ZNF846: variants seen among roughly 807,000 people sequenced by gnomAD.
The protein encoded by ZNF846 is zinc finger protein 420 pseudogene.
A neutral mutation model predicts 16.0 loss-of-function variants in ZNF846; 15 were observed. The ratio of observed to expected loss-of-function variants is 0.94; its 90% CI spans 0.63 to 1.45. The LOEUF (loss-of-function observed/expected upper bound fraction) is 1.45. ZNF846 is among the 40% of genes most tolerant of loss of function. The probability of loss-of-function intolerance (pLI) is 0.00; values close to 1 mark genes in which losing one functional copy is unlikely to be tolerated. For missense variants in ZNF846, 714 were observed against 622.3 expected, an observed-to-expected ratio of 1.15 and a Z score of -1.57; for synonymous variants, 229 against 212.0, an observed-to-expected ratio of 1.08 and a Z score of -0.70.
chr19:9,765,113 C>G, intron 1 of ZNF846, 78 bp from the exon 2 acceptor site: 1 of 773,266 alleles, frequency 1.3e-6, no homozygotes, highest in South Asian at 1.5e-5. Context: ...TGGCTCATGC[C>G]TGTAATCCCA....
intron 1 of ZNF846, among the ~76,000 whole-genome samples, chr19:9,767,760 C>T (rs956542932): frequency 1.0e-3 from 159 of 152,194 alleles, no homozygotes; most frequent in African/African-American, 3.7e-3. Context: ...CATGGTGAAA[C>T]CCCGTCTCTA....
chr19:9,759,472 T>C (rs966154358), intron 5 of ZNF846, among the ~76,000 whole-genome samples: 9 of 151,414 alleles, frequency 5.9e-5, no homozygotes, highest in African/African-American at 2.2e-4. Flanking sequence ...GCATGGTGGC[T>C]CATGCCTGTA....
chr19:9,772,312 G>A (rs1399570244), upstream of ZNF846, among the ~76,000 whole-genome samples: 1 of 152,032 alleles, frequency 6.6e-6, no homozygotes, highest in Admixed American at 6.6e-5. Flanking sequence ...TATAAAATGT[G>A]GTAGAGGCTG....
At chr19:9,767,792 G>T (rs552271428) in intron 1 of ZNF846, among the ~76,000 whole-genome samples, 2 of 152,146 alleles carry the variant, frequency 1.3e-5, no homozygotes, top group African/African-American at 2.4e-5. Context: ...AAATTAGCCG[G>T]GCGTGGTGGC....
At chr19:9,774,794 A>G (rs985758128) in intron 1 of ZNF846, 1 of 1,598,722 alleles carries the variant, frequency 6.3e-7, no homozygotes, top group Non-Finnish European at 8.5e-7. Context: ...GCCAGCAACC[A>G]AAACCGACCA....
intron 3 of ZNF846, among the ~76,000 whole-genome samples, chr19:9,762,981 T>G (rs1220392160): frequency 6.6e-6 from 1 of 151,988 alleles, no homozygotes; most frequent in African/African-American, 2.4e-5. Flanking sequence ...CTGTCTCCAC[T>G]AAAAATACAA....
intron 2 of ZNF846, 177 bp downstream of exon 2, chr19:9,764,759 C>T: frequency 1.4e-6 from 1 of 699,738 alleles, no homozygotes; most frequent in East Asian, 2.7e-5. Flanking sequence ...AATACACTTC[C>T]ATTGCAATCT....
chr19:9,751,133 C>G (rs2045080536), downstream of ZNF846, among the ~76,000 whole-genome samples: 1 of 152,100 alleles, frequency 6.6e-6, no homozygotes, highest in South Asian at 2.1e-4. Context: ...CTTGTGTCTT[C>G]TGATTAATCT....
intron 1 of ZNF846, among the ~76,000 whole-genome samples, chr19:9,784,615 T>C (rs2045539679): frequency 6.6e-6 from 1 of 152,108 alleles, no homozygotes; most frequent in South Asian, 2.1e-4. Context: ...GCACAGACCC[T>C]TTACGGGTGT....
At position 9,774,747 on chromosome 19, in the gene ZNF846, A is replaced by G. The variant is rs547181409; in HGVS notation, c.-85-9712T>C. 3.9e-4 allele frequency: 616 copies of G among 1,559,984 alleles called. 9 individuals are homozygous for G. In the South Asian group the frequency reaches 5.5e-3, roughly 14 times the overall value. On this transcript the variant is annotated intron_variant, in intron 1 of 4. Transcript: ENST00000586814. ...CACCCAAATATCGACGAAAAGGGGC[A>G]GGTCTGTCTGTCAGTAATTAGTGCT...
At chr19:9,749,891 C>G (rs370708077), downstream of ZNF846, among the ~76,000 whole-genome samples, 2 of 152,060 alleles carry the variant, frequency 1.3e-5, no homozygotes, top group African/African-American at 2.4e-5. Flanking sequence ...CATTAAAAAG[C>G]GGCCACACTT....
exon 6 of ZNF846, chr19:9,758,649 T>C (rs781170385): frequency 5.6e-6 from 9 of 1,613,090 alleles, no homozygotes; most frequent in Middle Eastern, 1.7e-4. Flanking sequence ...CTGATTATCC[T>C]CAGAAGTTTT....
downstream of ZNF846, among the ~76,000 whole-genome samples, chr19:9,748,845 C>T (rs1178523980): frequency 6.6e-6 from 1 of 152,032 alleles, no homozygotes; most frequent in Non-Finnish European, 1.5e-5. Flanking sequence ...AGACACCAGC[C>T]CTCTAGGCGA....
At chr19:9,757,974 C>T (rs529438929) in exon 6 of ZNF846, 8 of 1,613,636 alleles carry the variant, frequency 5.0e-6, no homozygotes, top group Middle Eastern at 1.6e-4. Context: ...ACATGCCTTA[C>T]ATAAATACAG....
At chr19:9,757,601 G>A (rs1599383056) in exon 6 of ZNF846, 15 of 1,613,498 alleles carry the variant, frequency 9.3e-6, no homozygotes, top group Non-Finnish European at 1.1e-5. Flanking sequence ...GAACGTTAAG[G>A]TATGTGGAAT....
In ZNF846 at chr19:9,781,864, C is replaced by T. The variant is rs146890287; in HGVS notation, c.-86+4074G>A. 3.3e-5 allele frequency among the ~76,000 whole-genome samples: 5 copies of T among 151,568 alleles called. No homozygotes were observed. In the East Asian group the frequency reaches 9.7e-4, roughly 30 times the overall value. The stretch of plus-strand genomic sequence containing the variant: ...TGCGATCTTGACTCACTACAACCTC[C>T]GCCTCCGGGTTCAAGGGATTCTCCT... On this transcript the variant is annotated intron_variant, in intron 1 of 4. Transcript: ENST00000586814.
At chr19:9,775,954 T>C (rs2045436456) in intron 1 of ZNF846, among the ~76,000 whole-genome samples, 1 of 152,202 alleles carries the variant, frequency 6.6e-6, no homozygotes, top group South Asian at 2.1e-4. Context: ...TGCTCTATAA[T>C]CATAACCTAG....
downstream of ZNF846, among the ~76,000 whole-genome samples, chr19:9,754,494 G>T (rs376253732): frequency 6.7e-6 from 1 of 148,284 alleles, no homozygotes; most frequent in African/African-American, 2.6e-5. Flanking sequence ...GAAGCCAGGA[G>T]GTGAAGGTTG....
chr19:9,762,022 C>G, intron 4 of ZNF846, 60 bp downstream of exon 4: 1 of 1,395,712 alleles, frequency 7.2e-7, no homozygotes, highest in Non-Finnish European at 1.0e-6. Context: ...TTCCAATGTA[C>G]TGCATGTCTC....
Sources: allele counts gnomAD v4.1 joint callset (sites outside exome capture counted in the v4.1 genomes callset), GRCh38; gene constraint gnomAD v4.1.1; transcripts MANE v1.5; gene names NCBI Gene and HGNC (gene_info 2026-07-23, HGNC 2026-07-21).